Variants in STAM observed in about 807,000 individuals in gnomAD.
STAM encodes signal transducing adapter molecule 1.
Under a neutral mutation model 63.4 loss-of-function variants are expected in STAM, and 16 were observed. That is an observed-to-expected ratio of 0.25 (90% CI 0.17 to 0.38). The LOEUF is 0.38. Among genes scored for constraint, STAM ranks in the 10% least tolerant of loss-of-function variants. STAM has a pLI of 1.00. For synonymous variants in STAM, 238 were observed against 223.9 expected, an observed-to-expected ratio of 1.06 and a Z score of -0.56; for missense variants, 636 against 657.1, an observed-to-expected ratio of 0.97 and a Z score of 0.35.
At chr10:17,691,716 C>G (rs1218105888) in intron 5 of STAM, among the ~76,000 whole-genome samples, 1 of 152,150 alleles carries the variant, frequency 6.6e-6, no homozygotes, top group East Asian at 1.9e-4. Flanking sequence ...GACATGTAAT[C>G]AGACAATTAT....
intron 1 of STAM, among the ~76,000 whole-genome samples, chr10:17,653,978 T>C (rs760531560): frequency 6.6e-5 from 10 of 152,146 alleles, no homozygotes; most frequent in Non-Finnish European, 1.5e-4. Flanking sequence ...TGAAGGGTAG[T>C]GGGAACTTCC....
intron 1 of STAM, among the ~76,000 whole-genome samples, chr10:17,649,187 T>G (rs917912929): frequency 1.3e-5 from 2 of 152,198 alleles, no homozygotes; most frequent in African/African-American, 4.8e-5. Flanking sequence ...GAGGATTCCT[T>G]GAGGCCAGGA....
chr10:17,681,432 G>C (rs1007188082), intron 2 of STAM, among the ~76,000 whole-genome samples: 1 of 151,712 alleles, frequency 6.6e-6, no homozygotes, highest in Non-Finnish European at 1.5e-5. Flanking sequence ...TCTGTCTTTG[G>C]AGAACATGCT....
At chr10:17,668,150 T>C (rs1834474501) in intron 2 of STAM, among the ~76,000 whole-genome samples, 1 of 152,150 alleles carries the variant, frequency 6.6e-6, no homozygotes, top group Non-Finnish European at 1.5e-5. Context: ...AGGAGTGATG[T>C]TGGAGAGAGA....
chr10:17,665,748 C>T lies in STAM; in HGVS notation c.125+5200C>T, dbSNP rs534477319. Among the ~76,000 whole-genome samples, 3 of 151,110 alleles carry T rather than the reference C, an allele frequency of 2.0e-5. No homozygotes were observed. The East Asian group carries it at 5.8e-4, about 29-fold the overall frequency. Reference sequence around the variant, plus strand: ...TTCAGAAAGCCTACTAGATGTAATCCCTGTTTACTTCATTTAAGTTGTAGT... The same window carrying T: ...TTCAGAAAGCCTACTAGATGTAATCTCTGTTTACTTCATTTAAGTTGTAGT... On this transcript the variant is annotated intron_variant, in intron 2 of 13. Transcript: ENST00000377524.
At chr10:17,679,796 A>G (rs1165086978) in intron 2 of STAM, among the ~76,000 whole-genome samples, 1 of 151,476 alleles carries the variant, frequency 6.6e-6, no homozygotes, top group African/African-American at 2.4e-5. Context: ...TAAGCATATC[A>G]TAGAGTTAGT....
intron 2 of STAM, among the ~76,000 whole-genome samples, chr10:17,678,425 T>C (rs1834943668): frequency 6.6e-6 from 1 of 152,064 alleles, no homozygotes; most frequent in Non-Finnish European, 1.5e-5. Flanking sequence ...GCTAAGTTTT[T>C]GTATTTGTAG....
chr10:17,666,385 G>GTTTTTTTTT (rs1425682476), intron 2 of STAM, among the ~76,000 whole-genome samples: 1 of 102,298 alleles, frequency 9.8e-6, no homozygotes, highest in African/African-American at 3.8e-5. Context: ...CCTTGGCTTT[G>GTTTTTTTTT]TATTTTTTTT....
At chr10:17,692,661 A>G (rs1333560113) in intron 5 of STAM, among the ~76,000 whole-genome samples, 5 of 152,228 alleles carry the variant, frequency 3.3e-5, no homozygotes, top group East Asian at 3.8e-4. Flanking sequence ...TATTTACACA[A>G]TTTAATAGAG....
rs144950713 is a variant in STAM at position 17,714,663 on chromosome 10, A to T, written c.1506A>T (p.Gly502=). 1,235 of 1,614,128 alleles carry T rather than the reference A, an allele frequency of 7.7e-4. 4 individuals are homozygous for T. The highest frequency in any genetic ancestry group is 9.6e-4 in the Non-Finnish European group (1,132 of 1,180,024). ...TADVTLYQNA[G]PNMPQVPNYN... ...ATGTCACTCTGTACCAGAATGCAGG[A>T]CCTAATATGCCCCAGGTGCCAAACT... The change falls in exon 14 of 14, where the codon GGA becomes GGT. Residue 502 remains glycine (G), a synonymous_variant. Transcript: ENST00000377524.
intron 1 of STAM, among the ~76,000 whole-genome samples, chr10:17,658,944 A>G (rs1834051891): frequency 6.6e-6 from 1 of 152,144 alleles, no homozygotes. Context: ...GACTGTTAAT[A>G]TACTTGTGTT....
chr10:17,687,025 G>A (rs1835320692), intron 4 of STAM, among the ~76,000 whole-genome samples: 1 of 152,112 alleles, frequency 6.6e-6, no homozygotes. Flanking sequence ...GTATTTTAAT[G>A]AACTGGCCAG....
chr10:17,670,203 TC>T (rs1554823918), intron 2 of STAM, among the ~76,000 whole-genome samples: 1 of 152,232 alleles, frequency 6.6e-6, no homozygotes. Context: ...AGCTGATTTT[TC>T]TATCTTTACT....
chr10:17,662,957 C>G (rs565920101), intron 2 of STAM, among the ~76,000 whole-genome samples: 1 of 152,208 alleles, frequency 6.6e-6, no homozygotes, highest in African/African-American at 2.4e-5. Context: ...GCTGCAAAGC[C>G]CCTCCTCTCT....
At chr10:17,682,326 AG>A (rs1184028913) in intron 2 of STAM, among the ~76,000 whole-genome samples, 8 of 152,206 alleles carry the variant, frequency 5.3e-5, no homozygotes, top group African/African-American at 1.9e-4. Flanking sequence ...CTTGGGGAAG[AG>A]GTATTACATT....
intron 8 of STAM, among the ~76,000 whole-genome samples, chr10:17,697,520 A>G (rs1835813823): frequency 6.6e-6 from 1 of 152,214 alleles, no homozygotes; most frequent in East Asian, 1.9e-4. Context: ...AACCCTGCTG[A>G]GTAGGATAAT....
intron 13 of STAM, among the ~76,000 whole-genome samples, chr10:17,712,538 C>T (rs2570278): frequency 0.59 from 89,582 of 152,060 alleles, 27,032 homozygotes; most frequent in African/African-American, 0.71. Context: ...TACAAGAGCA[C>T]TGAATTTCCC....
intron 13 of STAM, among the ~76,000 whole-genome samples, chr10:17,713,990 C>T (rs1554830375): frequency 2.0e-5 from 3 of 152,154 alleles, no homozygotes; most frequent in East Asian, 3.9e-4. Context: ...CCGCAGCACT[C>T]GTGGCCTGCT....
intron 5 of STAM, 28 bp from the exon 6 acceptor site, chr10:17,693,194 C>T (rs1554826984): frequency 6.2e-7 from 1 of 1,604,604 alleles, no homozygotes; most frequent in Admixed American, 1.7e-5. Flanking sequence ...TAACAACCCT[C>T]AAATACTGTG....
Sources: allele counts gnomAD v4.1 joint callset (sites outside exome capture counted in the v4.1 genomes callset), GRCh38; gene constraint gnomAD v4.1.1; transcripts MANE v1.5; gene names NCBI Gene and HGNC (gene_info 2026-07-23, HGNC 2026-07-21).